FSHR: variants seen among roughly 807,000 people sequenced by gnomAD.
The protein encoded by FSHR is follicle stimulating hormone receptor.
FSHR carries 46 observed loss-of-function variants against 52.1 expected under a neutral mutation model. The observed-to-expected ratio is 0.88, with a 90% CI of 0.70 to 1.13. FSHR has a LOEUF of 1.13. Among genes scored for constraint, FSHR ranks in the 50% most tolerant of loss-of-function variants. The pLI is 0.00. For missense variants in FSHR, 964 were observed against 834.6 expected (o/e 1.16, Z -1.91); for synonymous variants, 399 against 309.6 (o/e 1.29, Z -3.03).
At chr2:49,050,470 G>A (rs1393940154) in intron 2 of FSHR, among the ~76,000 whole-genome samples, 3 of 152,144 alleles carry the variant, frequency 2.0e-5, no homozygotes, top group Non-Finnish European at 4.4e-5. Flanking sequence ...TGTCACCAAA[G>A]GAAGCTAATA....
At chr2:49,061,387 A>T (rs1231253826) in intron 2 of FSHR, among the ~76,000 whole-genome samples, 1 of 151,754 alleles carries the variant, frequency 6.6e-6, no homozygotes, top group East Asian at 1.9e-4. Flanking sequence ...GGAAATCAAA[A>T]CTGACCAGGA....
intron 1 of FSHR, among the ~76,000 whole-genome samples, chr2:49,089,114 T>TAATA (rs1491472602): frequency 6.6e-6 from 1 of 151,380 alleles, no homozygotes. Flanking sequence ...TAATATAATA[T>TAATA]TTATTTATAT....
chr2:49,024,238 C>G (rs919627127), intron 2 of FSHR, among the ~76,000 whole-genome samples: 2 of 151,664 alleles, frequency 1.3e-5, no homozygotes, highest in Non-Finnish European at 2.9e-5. Flanking sequence ...TAAACTTGCA[C>G]GTTCTGCACA....
At chr2:49,061,242 A>G (rs1456431400) in intron 2 of FSHR, among the ~76,000 whole-genome samples, 1 of 152,136 alleles carries the variant, frequency 6.6e-6, no homozygotes, top group Non-Finnish European at 1.5e-5. Flanking sequence ...ATGCAAGACC[A>G]TAAGCCTGGG....
At position 49,076,715 on chromosome 2, in the gene FSHR, G is replaced by A. The variant is rs1156542761; in HGVS notation, c.153-8425C>T. 5.9e-5 allele frequency among the ~76,000 whole-genome samples: 9 copies of A among 152,184 alleles called. No homozygotes were observed. The East Asian group carries it at 1.7e-3, about 29-fold the overall frequency. ...TATGAGCCTGTAGAATCAAAAGCAT[G>A]TTAGTTACTACCTAGATACAATGGG... On this transcript the variant is annotated intron_variant, in intron 1 of 9. Coordinates refer to ENST00000406846, the MANE Select transcript of FSHR (RefSeq NM_000145.4).
At chr2:49,087,216 A>T (rs548566047) in intron 1 of FSHR, among the ~76,000 whole-genome samples, 16 of 151,442 alleles carry the variant, frequency 1.1e-4, no homozygotes, top group Non-Finnish European at 2.4e-4. Context: ...TCTTTGTTCA[A>T]TGGAGGTTAG....
At chr2:48,993,950 C>T (rs1186691547) in intron 4 of FSHR, among the ~76,000 whole-genome samples, 2 of 152,160 alleles carry the variant, frequency 1.3e-5, no homozygotes, top group East Asian at 3.9e-4. Context: ...ATAACTGCAT[C>T]TGTTTTAGCA....
intron 2 of FSHR, among the ~76,000 whole-genome samples, chr2:49,021,861 CTCTATA>C (rs1304619653): frequency 2.3e-5 from 1 of 43,476 alleles, no homozygotes; most frequent in African/African-American, 9.0e-5. Context: ...CTCTCTCTCT[CTCTATA>C]TATATATATA....
intron 1 of FSHR, among the ~76,000 whole-genome samples, chr2:49,087,396 A>G (rs1477151939): frequency 6.6e-6 from 1 of 152,104 alleles, no homozygotes; most frequent in Non-Finnish European, 1.5e-5. Context: ...AGAAGCAGAT[A>G]TTGAAAGAGC....
intron 1 of FSHR, among the ~76,000 whole-genome samples, chr2:49,118,693 G>A (rs1263550426): frequency 6.6e-6 from 1 of 152,104 alleles, no homozygotes; most frequent in Non-Finnish European, 1.5e-5. Context: ...GTTTCACCTA[G>A]GACCTCATTA....
chr2:49,127,889 CTTCTTCTTCTTT>C (rs1672116619), intron 1 of FSHR, among the ~76,000 whole-genome samples: 1 of 30,056 alleles, frequency 3.3e-5, no homozygotes, highest in Non-Finnish European at 5.3e-5. Flanking sequence ...TCTTCTTCTT[CTTCTTCTTCTTT>C]TTTTTTTTTG....
rs1670261359 is a variant in FSHR, at chr2:49,083,663, A to G, written c.153-15373T>C. On this transcript the variant is annotated intron_variant, in intron 1 of 9. Coordinates refer to ENST00000406846, the MANE Select transcript of FSHR (RefSeq NM_000145.4). ...GGATGGAGGAAGCTCTACCAAGCAA[A>G]TGAAAAACAAAAAAAGGCAGGGGTT... Among the ~76,000 whole-genome samples the G allele has an allele frequency of 1.3e-5, 2 of 150,074 alleles. 1 individual carries two copies. Among genetic ancestry groups the G allele is most frequent in the Admixed American group, 1.3e-4 (2 of 14,934 alleles).
Position 49,085,524 on chromosome 2 carries a change from A to T in FSHR, c.153-17234T>A, listed in dbSNP as rs930263911. 1.6e-4 allele frequency among the ~76,000 whole-genome samples: 24 copies of T among 152,192 alleles called. 1 individual carries two copies. The highest frequency in any genetic ancestry group is 2.4e-4 in the African/African-American group (10 of 41,456). ...ATTAGGCAGAGCTTTACTTCCAACT[A>T]TGTGGTCAATTTTGGAATAGGTGTG... On this transcript the variant is annotated intron_variant, in intron 1 of 9. Coordinates refer to ENST00000406846, the MANE Select transcript of FSHR (RefSeq NM_000145.4).
In FSHR at chr2:49,154,440, T is replaced by C. The variant is rs745402209; in HGVS notation, c.-23A>G. 1.9e-5 allele frequency: 31 copies of C among 1,611,562 alleles called. No individual in the cohort carries two copies. The South Asian group carries it at 2.9e-4, about 15-fold the overall frequency. ...CATAATTATGCATCCATCCACCTGA[T>C]TTCTTCCTGCATTTGCAGAGAAAAA... On this transcript the variant is annotated 5_prime_UTR_variant, in exon 1 of 10. Coordinates refer to ENST00000406846, the MANE Select transcript of FSHR (RefSeq NM_000145.4).
intron 1 of FSHR, among the ~76,000 whole-genome samples, chr2:49,072,054 C>T (rs1669757466): frequency 6.6e-6 from 1 of 152,000 alleles, no homozygotes. Context: ...ATAAAGAACA[C>T]TAAAAACATA....
chr2:49,063,652 G>C (rs1669395189), intron 2 of FSHR, among the ~76,000 whole-genome samples: 1 of 152,088 alleles, frequency 6.6e-6, no homozygotes, highest in Non-Finnish European at 1.5e-5. Context: ...TAGAATAGTG[G>C]TTATTGGAGG....
chr2:49,146,256 C>A (rs565621340), intron 1 of FSHR, among the ~76,000 whole-genome samples: 2 of 152,010 alleles, frequency 1.3e-5, no homozygotes, highest in African/African-American at 4.8e-5. Flanking sequence ...TCTTATGAAC[C>A]AACATTTTGT....
chr2:48,970,145 G>A (rs1031121035), intron 8 of FSHR, among the ~76,000 whole-genome samples: 3 of 152,154 alleles, frequency 2.0e-5, no homozygotes, highest in Non-Finnish European at 2.9e-5. Context: ...ACAATCTGGT[G>A]AAAATTACAT....
chr2:49,149,944 G>C (rs1382040494), intron 1 of FSHR, among the ~76,000 whole-genome samples: 1 of 152,010 alleles, frequency 6.6e-6, no homozygotes, highest in Admixed American at 6.6e-5. Context: ...ACCATCAATA[G>C]ACCCTTTTCT....
Sources: gnomAD v4.1 joint callset for allele counts (sites outside exome capture counted in the v4.1 genomes callset) on GRCh38, gnomAD v4.1.1 for gene constraint, MANE v1.5 for transcripts, NCBI Gene and HGNC (gene_info 2026-07-23, HGNC 2026-07-21) for gene names.